The following PRCP variants were observed in gnomAD, a reference collection of about 807,000 sequenced individuals.
The protein encoded by PRCP is lysosomal Pro-X carboxypeptidase.
A neutral mutation model predicts 54.2 loss-of-function variants in PRCP; 46 were observed. The observed-to-expected ratio is 0.85, with a 90% CI of 0.67 to 1.09. The LOEUF (loss-of-function observed/expected upper bound fraction) is 1.09. PRCP is among the 50% of genes least tolerant of loss of function. The probability of loss-of-function intolerance (pLI) is 0.00; values close to 1 mark genes in which losing one functional copy is unlikely to be tolerated. For synonymous variants in PRCP, 240 were observed against 212.2 expected (o/e 1.13, Z -1.14); for missense variants, 613 against 596.8 (o/e 1.03, Z -0.28).
At chr11:82,860,631 A>G (rs1195034759) in intron 1 of PRCP, among the ~76,000 whole-genome samples, 2 of 152,130 alleles carry the variant, frequency 1.3e-5, no homozygotes, top group Admixed American at 1.3e-4. Context: ...AGTATATAAT[A>G]CATCCCATTA....
rs1858878919 is a variant in PRCP at position 82,849,030 on chromosome 11, C to T, written c.921+19G>A. 1 of 1,601,806 alleles carries T rather than the reference C, an allele frequency of 6.2e-7. No homozygotes were observed. Among genetic ancestry groups the T allele is most frequent in the Non-Finnish European group, 8.5e-7 (1 of 1,173,372 alleles). ...AAAGTGTGTTATTAAAAAATGATGA[C>T]AGGACATTTTCCTATTACCTTGATA... On this transcript the variant is annotated intron_variant, in intron 6 of 8. Coordinates refer to ENST00000313010, the MANE Select transcript of PRCP (RefSeq NM_005040.4).
At chr11:82,900,121 A>C in intron 1 of PRCP, 114 bp downstream of exon 1, 1 of 1,348,788 alleles carries the variant, frequency 7.4e-7, no homozygotes, top group East Asian at 2.3e-5. Flanking sequence ...AAAACCGAAC[A>C]GATCCTAGGC....
chr11:82,862,255 TC>T (rs368323078), intron 1 of PRCP, among the ~76,000 whole-genome samples: 6 of 152,246 alleles, frequency 3.9e-5, no homozygotes, highest in African/African-American at 1.4e-4. Context: ...TTTTGAGATT[TC>T]TTTTTACCCT....
chr11:82,890,766 A>G (rs557864588), intron 1 of PRCP, among the ~76,000 whole-genome samples: 1 of 152,318 alleles, frequency 6.6e-6, no homozygotes, highest in African/African-American at 2.4e-5. Context: ...TAACCTCCAC[A>G]TTGCTAAATC....
intron 1 of PRCP, among the ~76,000 whole-genome samples, chr11:82,890,860 T>C (rs1859992185): frequency 6.6e-6 from 1 of 152,240 alleles, no homozygotes; most frequent in Non-Finnish European, 1.5e-5. Flanking sequence ...AATCAGGGTA[T>C]CACACCCTCC....
In PRCP at chr11:82,853,297, A is replaced by T. The variant is rs754354548; in HGVS notation, c.310-19T>A. 1.3e-6 allele frequency: 2 copies of T among 1,581,734 alleles called. No homozygotes were observed. The highest frequency in any genetic ancestry group is 4.5e-5 in the East Asian group (2 of 44,516). ...TGAACCCCTAAGAAGAGTTTACAAA[A>T]TCACAGGATAAAATCAGAATGTGAA... On this transcript the variant is annotated intron_variant, in intron 2 of 8. Transcript: ENST00000313010.
chr11:82,884,538 G>A (rs1370900773), intron 1 of PRCP, among the ~76,000 whole-genome samples: 1 of 152,160 alleles, frequency 6.6e-6, no homozygotes, highest in Non-Finnish European at 1.5e-5. Context: ...ACCTGGGAGT[G>A]AGACCCTGTC....
At chr11:82,833,936 T>C (rs1362633473) in intron 8 of PRCP, among the ~76,000 whole-genome samples, 2 of 152,182 alleles carry the variant, frequency 1.3e-5, no homozygotes, top group Admixed American at 6.5e-5. Context: ...TCACAAAATA[T>C]GCCCCCTTCT....
intron 6 of PRCP, among the ~76,000 whole-genome samples, chr11:82,843,575 A>ACAACAAGGAAAGAGTCTTGGC (rs139053723): frequency 0.35 from 53,732 of 152,044 alleles, 10,208 homozygotes; most frequent in African/African-American, 0.49. Flanking sequence ...ATATAATCAG[A>ACAACAAGGAAAGAGTCTTGGC]CAACCATCTC....
In PRCP at chr11:82,870,936, A is replaced by ATCTGTTTGCTGATTTGCAAG. The variant is rs143720737; in HGVS notation, c.169-10839_169-10820dup. ...TCCACCACAGACAAATGCTGCCATAATCTGTTTGCTGATTTGCAAGGTAAT... is the reference window on the plus strand; with the variant it reads ...TCCACCACAGACAAATGCTGCCATAATCTGTTTGCTGATTTGCAAGTCTGTTTGCTGATTTGCAAGGTAAT... On this transcript the variant is annotated intron_variant, in intron 1 of 8. Coordinates refer to ENST00000313010, the MANE Select transcript of PRCP (RefSeq NM_005040.4). Among the ~76,000 whole-genome samples the ATCTGTTTGCTGATTTGCAAG allele has an allele frequency of 7.2e-3, 1,094 of 152,270 alleles. 7 individuals carry two copies. The highest frequency in any genetic ancestry group is 0.012 in the Non-Finnish European group (825 of 68,024).
intron 1 of PRCP, among the ~76,000 whole-genome samples, chr11:82,887,889 C>T (rs1859902829): frequency 1.3e-5 from 2 of 152,166 alleles, no homozygotes; most frequent in African/African-American, 2.4e-5. Flanking sequence ...AGAATCAGAA[C>T]AGATAGACCT....
intron 1 of PRCP, among the ~76,000 whole-genome samples, chr11:82,866,764 C>T (rs191631986): frequency 1.3e-5 from 2 of 152,118 alleles, no homozygotes; most frequent in Non-Finnish European, 2.9e-5. Flanking sequence ...CTCTGTCACC[C>T]AGGCTGGAGT....
chr11:82,842,619 T>C (rs1241434294), intron 6 of PRCP, among the ~76,000 whole-genome samples: 1 of 152,172 alleles, frequency 6.6e-6, no homozygotes, highest in Admixed American at 6.5e-5. Flanking sequence ...TTCTTAATTG[T>C]TTTCTTGGGA....
At chr11:82,850,109 GAA>G (rs33954574) in intron 4 of PRCP, 38 bp from the exon 5 acceptor site, 1 of 964,774 alleles carries the variant, frequency 1.0e-6, no homozygotes, top group Non-Finnish European at 1.4e-6. Context: ...AAAAAGAAAA[GAA>G]AAAATATATA....
intron 8 of PRCP, among the ~76,000 whole-genome samples, chr11:82,836,038 A>C (rs1281086250): frequency 6.6e-6 from 1 of 151,894 alleles, no homozygotes; most frequent in Non-Finnish European, 1.5e-5. Context: ...CTAAAAATAC[A>C]AAAAATTAGC....
intron 2 of PRCP, among the ~76,000 whole-genome samples, chr11:82,855,543 C>T (rs1424246640): frequency 6.6e-6 from 1 of 152,030 alleles, no homozygotes; most frequent in Non-Finnish European, 1.5e-5. Context: ...GGCGTGAACC[C>T]GGGAGGCGGA....
intron 8 of PRCP, among the ~76,000 whole-genome samples, chr11:82,837,392 C>T (rs59085168): frequency 0.26 from 39,213 of 152,098 alleles, 5,971 homozygotes; most frequent in African/African-American, 0.43. Flanking sequence ...AATGCTCAAG[C>T]TGGTGATATA....
chr11:82,867,635 TCAAG>T (rs1859371848), intron 1 of PRCP, among the ~76,000 whole-genome samples: 1 of 152,194 alleles, frequency 6.6e-6, no homozygotes. Flanking sequence ...GCTGCTGTAA[TCAAG>T]CACTGCATAT....
At chr11:82,858,374 C>A (rs1274820266) in intron 2 of PRCP, 1 of 152,214 alleles carries the variant, frequency 6.6e-6, no homozygotes, top group Non-Finnish European at 1.5e-5. Context: ...GATGCTGCCT[C>A]TCAACAAATT....
Sources: allele counts gnomAD v4.1 joint callset (sites outside exome capture counted in the v4.1 genomes callset), GRCh38; gene constraint gnomAD v4.1.1; transcripts MANE v1.5; gene names NCBI Gene and HGNC (gene_info 2026-07-23, HGNC 2026-07-21).